Variants in ITGB4 observed in about 807,000 individuals in gnomAD.
ITGB4 encodes the protein integrin beta-4.
Under a neutral mutation model 207.6 loss-of-function variants are expected in ITGB4, and 159 were observed. The ratio of observed to expected loss-of-function variants is 0.77; its 90% CI spans 0.67 to 0.87. The LOEUF is 0.87. Among genes scored for constraint, ITGB4 ranks in the 40% least tolerant of loss-of-function variants. The pLI, the probability that ITGB4 is intolerant of heterozygous loss-of-function variation, is 0.00. For synonymous variants in ITGB4, 1,020 were observed against 1,062.7 expected, an observed-to-expected ratio of 0.96 and a Z score of 0.78; for missense variants, 2,278 against 2,546.8, an observed-to-expected ratio of 0.89 and a Z score of 2.27.
At position 75,741,961 on chromosome 17, in the gene ITGB4, G is replaced by A. The variant is rs971240555; in HGVS notation, c.2634-380G>A. ...CTGTTCCCATTTTGCAGATGAGGAA[G>A]CTGAGGCTCAAAAGGGTTAAGTGAC... On this transcript the variant is annotated intron_variant, in intron 23 of 39. Transcript: ENST00000200181. Among the ~76,000 whole-genome samples, 20 of 152,244 alleles carry A rather than the reference G, an allele frequency of 1.3e-4. 1 individual carries two copies. Among genetic ancestry groups the A allele is most frequent in the African/African-American group, 4.8e-4 (20 of 41,466 alleles).
rs1304539577 is a variant in ITGB4 at position 75,756,731 on chromosome 17, G to A, written c.4925G>A (p.Ser1642Asn). 3 of 1,613,132 alleles carry A rather than the reference G, an allele frequency of 1.9e-6. No homozygotes were observed. Among genetic ancestry groups the A allele is most frequent in the African/African-American group, 2.7e-5 (2 of 74,904 alleles). The change falls in exon 37 of 40, where the codon AGT (serine) becomes AAT (asparagine). Residue 1642 changes from serine (S) to asparagine (N), a missense_variant. Coordinates refer to ENST00000200181, the MANE Select transcript of ITGB4 (RefSeq NM_000213.5). ...PGSAFTLSTP[S>N]APGPLVFTAL... ...TCCGCCTTCACTTTGAGCACTCCCA[G>A]TGCCCCAGGCCCGCTGGTGTTCACT...
rs763638728 is a variant in ITGB4, at chr17:75,752,552, G to A, written c.4083G>A (p.Gln1361=). 1.9e-6 allele frequency: 3 copies of A among 1,613,516 alleles called. No individual in the cohort carries two copies. Among genetic ancestry groups the A allele is most frequent in the Middle Eastern group, 1.6e-4 (1 of 6,084 alleles). Residue 1361 remains glutamine (Q), a synonymous_variant, in exon 32 of 40, where the codon CAG becomes CAA. Coordinates refer to ENST00000200181, the MANE Select transcript of ITGB4 (RefSeq NM_000213.5). The part of the protein sequence containing the change: ...DDVLRSPSGS[Q]RPSVSDDTGC... Reference sequence around the variant, plus strand: ...TTCTACGCTCTCCATCGGGCAGCCAGAGGCCCAGCGTCTCCGATGACACTG... The same window carrying A: ...TTCTACGCTCTCCATCGGGCAGCCAAAGGCCCAGCGTCTCCGATGACACTG...
chr17:75,750,867 C>A lies in ITGB4; in HGVS notation c.3655+7C>A. On this transcript the variant is annotated splice_region_variant and intron_variant, in intron 29 of 39. Coordinates refer to ENST00000200181, the MANE Select transcript of ITGB4 (RefSeq NM_000213.5). This position sits in a 1 kb window ranked among gnomAD's most constrained non-coding sequence, Gnocchi z 5.5. The stretch of plus-strand genomic sequence containing the variant: ...TGCCGCACCCACCAGGAAGGTGAGG[C>A]CTCGCCATGTCTGTCCATTTGTCCC... 6.2e-7 allele frequency: 1 copy of A among 1,613,424 alleles called. No homozygotes were observed. Among genetic ancestry groups the A allele is most frequent in the Non-Finnish European group, 8.5e-7 (1 of 1,180,002 alleles).
In ITGB4 at chr17:75,757,678, G is replaced by A. The variant is rs761445324; in HGVS notation, c.*123G>A. ...CCAGCCCACCCGCATGCACAGAGCAGGGGCTAGGTGTCTCCTGGGAGGCAT... is the reference window on the plus strand; with the variant it reads ...CCAGCCCACCCGCATGCACAGAGCAAGGGCTAGGTGTCTCCTGGGAGGCAT... On this transcript the variant is annotated 3_prime_UTR_variant, in exon 40 of 40. Coordinates refer to ENST00000200181, the MANE Select transcript of ITGB4 (RefSeq NM_000213.5). 43 of 1,347,662 alleles carry A rather than the reference G, an allele frequency of 3.2e-5. No homozygotes were observed. Among genetic ancestry groups the A allele is most frequent in the Non-Finnish European group, 4.3e-5 (41 of 948,952 alleles). The allele number at this position is 1,347,662 out of a possible 1,614,324, so 83.5% of individuals were successfully genotyped here.
Position 75,745,966 on chromosome 17 carries a change from G to A in ITGB4, c.3111+2105G>A, listed in dbSNP as rs564841235. ...CCATTCAGCAAACATAGGGGAGCGCGTAGTCAGCAGGCCCGGGCTGCCTGG... is the reference window on the plus strand; with the variant it reads ...CCATTCAGCAAACATAGGGGAGCGCATAGTCAGCAGGCCCGGGCTGCCTGG... On this transcript the variant is annotated intron_variant, in intron 26 of 39. Coordinates refer to ENST00000200181, the MANE Select transcript of ITGB4 (RefSeq NM_000213.5). 1.2e-4 allele frequency among the ~76,000 whole-genome samples: 18 copies of A among 152,340 alleles called. No homozygotes were observed. In the South Asian group the frequency reaches 3.5e-3, roughly 30 times the overall value.
rs751173051 is a variant in ITGB4, at chr17:75,724,761, G to A, written c.58G>A (p.Val20Ile). The change falls in exon 2 of 40, where the codon GTC becomes ATC. Residue 20 changes from valine (V) to isoleucine (I), a missense_variant. By Grantham distance (29) the Val-to-Ile change is conservative. Coordinates refer to ENST00000200181, the MANE Select transcript of ITGB4 (RefSeq NM_000213.5). ...ARLLLAALIS[V>I]SLSGTLANRC... ...GCTGCTCCTGGCAGCCTTGATCAGC[G>A]TCAGCCTCTCTGGGACCTTGGGTGA... 1.2e-5 allele frequency: 20 copies of A among 1,613,610 alleles called. No homozygotes were observed. Among genetic ancestry groups the A allele is most frequent in the East Asian group, 2.2e-5 (1 of 44,906 alleles).
chr17:75,736,751 C>G, intron 16 of ITGB4, 57 bp downstream of exon 16: 2 of 1,554,076 alleles, frequency 1.3e-6, no homozygotes, highest in Non-Finnish European at 1.7e-6. Context: ...GGGCATCCAA[C>G]GGGGCAAGGG....
chr17:75,731,135 C>T lies in ITGB4; in HGVS notation c.1093-111C>T. 4 of 1,578,708 alleles carry T rather than the reference C, an allele frequency of 2.5e-6. No individual in the cohort carries two copies. Among genetic ancestry groups the T allele is most frequent in the Non-Finnish European group, 3.5e-6 (4 of 1,156,366 alleles). ...CCCGAGGGGCCACCTGGGCCTGGCC[C>T]TGGCTCCTGCAGGCTCTGTGATACC... On this transcript the variant is annotated intron_variant, in intron 9 of 39. Transcript: ENST00000200181. The surrounding 1 kb of genome is among the most constrained non-coding windows in gnomAD (Gnocchi z 6.8).
rs743685 is a variant in ITGB4, at chr17:75,755,017, C to T, written c.4558+202C>T. On this transcript the variant is annotated intron_variant, in intron 34 of 39. Coordinates refer to ENST00000200181, the MANE Select transcript of ITGB4 (RefSeq NM_000213.5). Reference sequence around the variant, plus strand: ...GCACACGTACACACATGCATGCACACTCCCTGCTCCTCTCACTCTTGTTTT... The same window carrying T: ...GCACACGTACACACATGCATGCACATTCCCTGCTCCTCTCACTCTTGTTTT... 3,546 of 1,581,944 alleles carry T rather than the reference C, an allele frequency of 2.2e-3. 83 individuals carry two copies. The African/African-American group carries it at 0.043, about 19-fold the overall frequency.
Position 75,757,214 on chromosome 17 carries a change from C to A in ITGB4, c.5233C>A (p.Leu1745Met), listed in dbSNP as rs1344690895. The change falls in exon 39 of 40, where the codon CTG (leucine) becomes ATG (methionine). Residue 1745 changes from leucine (L) to methionine (M), a missense_variant. By Grantham distance (15) the Leu-to-Met change is conservative. Transcript: ENST00000200181. ...ESQDGGPFPQLGSRAGLFQHP... is the reference protein window; with the variant it reads ...ESQDGGPFPQMGSRAGLFQHP... ...GCCCACCCCAGGACCCTTCCCGCAG[C>A]TGGGCAGCCGTGCCGGGCTCTTCCA... 4 of 1,612,280 alleles carry A rather than the reference C, an allele frequency of 2.5e-6. No individual in the cohort carries two copies. In the South Asian group the frequency reaches 4.4e-5, roughly 18 times the overall value.
rs1052985811 is a variant in ITGB4, at chr17:75,729,700, T to G, written c.738+264T>G. Among the ~76,000 whole-genome samples the G allele has an allele frequency of 6.6e-6, 1 of 152,240 alleles. No individual in the cohort carries two copies. The highest frequency in any genetic ancestry group is 2.4e-5 in the African/African-American group (1 of 41,466). ...TTCGTATCAGCTACCAAGGCAGACC[T>G]GGGCTTTAGCGTTCTGGAATCTTTA... On this transcript the variant is annotated intron_variant, in intron 7 of 39. Coordinates refer to ENST00000200181, the MANE Select transcript of ITGB4 (RefSeq NM_000213.5). The surrounding 1 kb of genome is among the most constrained non-coding windows in gnomAD (Gnocchi z 4.4).
intron 18 of ITGB4, among the ~76,000 whole-genome samples, chr17:75,738,029 G>A (rs1423333847): frequency 1.3e-5 from 2 of 152,308 alleles, no homozygotes; most frequent in South Asian, 2.1e-4. Context: ...CAGCTGTCTG[G>A]ATTCTGGTCC....
At chr17:75,752,606 G>A in intron 32 of ITGB4, 29 bp downstream of exon 32, 1 of 1,612,704 alleles carries the variant, frequency 6.2e-7, no homozygotes, top group Non-Finnish European at 8.5e-7. Flanking sequence ...CCCACAAGAG[G>A]ACAGTGGGGG....
At chr17:75,745,762 C>T (rs1568370855) in intron 26 of ITGB4, among the ~76,000 whole-genome samples, 1 of 152,000 alleles carries the variant, frequency 6.6e-6, no homozygotes, top group Non-Finnish European at 1.5e-5. Context: ...GCCTCTAATC[C>T]CAGCTACCCG....
Position 75,757,455 on chromosome 17 carries a change from G to A in ITGB4, c.5369G>A (p.Gly1790Asp). The change falls in exon 40 of 40, where the codon GGC (glycine) becomes GAC (aspartate). Residue 1790 changes from glycine to aspartate, a missense_variant. Physicochemically the swap from Gly to Asp is moderately conservative, Grantham distance 94. Coordinates refer to ENST00000200181, the MANE Select transcript of ITGB4 (RefSeq NM_000213.5). ...GGGGCCCAGCACCTGGAGGCAGGCGGCTCCCTCACCCGGCATGTGACCCAG... is the reference window on the plus strand; with the variant it reads ...GGGGCCCAGCACCTGGAGGCAGGCGACTCCCTCACCCGGCATGTGACCCAG... ...TLGAQHLEAG[G>D]SLTRHVTQEF... 1.2e-6 allele frequency: 2 copies of A among 1,612,690 alleles called. No homozygotes were observed. Among genetic ancestry groups the A allele is most frequent in the South Asian group, 1.1e-5 (1 of 91,082 alleles).
At chr17:75,736,787 A>G in intron 16 of ITGB4, 93 bp downstream of exon 16, 5 of 1,405,228 alleles carry the variant, frequency 3.6e-6, no homozygotes, top group African/African-American at 1.4e-5. Flanking sequence ...GGGGGCTTGC[A>G]GTCTGGGCTA....
Position 75,731,492 on chromosome 17 carries a change from G to A in ITGB4, c.1215+124G>A. ...CAGGCAGGCCTGGGTGCAGATCCCTGGGCCTAGCCGCTCGGATGAGCCTAG... is the reference window on the plus strand; with the variant it reads ...CAGGCAGGCCTGGGTGCAGATCCCTAGGCCTAGCCGCTCGGATGAGCCTAG... On this transcript the variant is annotated intron_variant, in intron 10 of 39. Coordinates refer to ENST00000200181, the MANE Select transcript of ITGB4 (RefSeq NM_000213.5). The surrounding 1 kb of genome is among the most constrained non-coding windows in gnomAD (Gnocchi z 6.8). The A allele has an allele frequency of 9.8e-7, 1 of 1,024,648 alleles. No individual in the cohort carries two copies. The highest frequency in any genetic ancestry group is 1.4e-6 in the Non-Finnish European group (1 of 699,912). 63.5% of individuals were successfully genotyped at this position (1,024,648 alleles called of 1,614,324 possible). A position where few individuals can be genotyped will look rare whatever the true frequency, so the allele number is the denominator to read the frequency against.
rs754322094 is a variant in ITGB4 at position 75,731,890 on chromosome 17, G to A, written c.1294G>A (p.Gly432Ser). The change falls in exon 11 of 40, where the codon GGC becomes AGC. Residue 432 changes from glycine (G) to serine (S), a missense_variant. Gly to Ser is a moderately conservative substitution (Grantham distance 56, BLOSUM62 0). Coordinates refer to ENST00000200181, the MANE Select transcript of ITGB4 (RefSeq NM_000213.5). The surrounding 1 kb of genome is among the most constrained non-coding windows in gnomAD (Gnocchi z 6.8). ...HVCQLPEDQK[G>S]NIHLKPSFSD... is the part of the protein sequence containing the mutation. ...GTGCCAGCTGCCGGAGGACCAGAAG[G>A]GCAACATCCATCTGAAACCTTCCTT... The A allele has an allele frequency of 3.1e-6, 5 of 1,614,028 alleles. No individual in the cohort carries two copies. The highest frequency in any genetic ancestry group is 4.2e-6 in the Non-Finnish European group (5 of 1,180,004).
At chr17:75,753,690 C>T (rs1026936012) in intron 32 of ITGB4, 75 bp from the exon 33 acceptor site, 1 of 1,027,702 alleles carries the variant, frequency 9.7e-7, no homozygotes, top group Non-Finnish European at 1.3e-6. Flanking sequence ...GCAGAGCCTA[C>T]GGCCTTCCCC....
Sources: gnomAD v4.1 joint callset for allele counts (sites outside exome capture counted in the v4.1 genomes callset) on GRCh38, gnomAD v4.1.1 for gene constraint, Gnocchi (gnomAD v3.1) non-coding constraint, MANE v1.5 for transcripts, NCBI Gene and HGNC (gene_info 2026-07-23, HGNC 2026-07-21) for gene names.